MROH2B: variants seen among roughly 807,000 people sequenced by gnomAD.
MROH2B encodes maestro heat-like repeat-containing protein family member 2B.
Under a neutral mutation model 208.6 loss-of-function variants are expected in MROH2B, and 177 were observed. That is an observed-to-expected ratio of 0.85 (90% CI 0.75 to 0.96). MROH2B has a LOEUF of 0.96. Ranked by LOEUF, MROH2B falls within the 40% of genes least tolerant of loss-of-function variation. The pLI, the probability that MROH2B is intolerant of heterozygous loss-of-function variation, is 0.00. For missense variants in MROH2B, 2,002 were observed against 1,878.7 expected (o/e 1.07, Z -1.21); for synonymous variants, 728 against 659.0 (o/e 1.10, Z -1.60).
intron 21 of MROH2B, 30 bp from the exon 22 acceptor site, chr5:41,033,894 C>A (rs980828697): frequency 6.5e-7 from 1 of 1,548,782 alleles, no homozygotes. Flanking sequence ...AAATTAGATA[C>A]TCAATGAGTG....
intron 3 of MROH2B, among the ~76,000 whole-genome samples, chr5:41,066,682 C>T (rs752594627): frequency 2.0e-5 from 3 of 152,154 alleles, no homozygotes; most frequent in Non-Finnish European, 2.9e-5. Flanking sequence ...GAAATAACAT[C>T]ATCCTAGGAT....
chr5:41,035,811 A>AAAAAC (rs1471123308), intron 21 of MROH2B, among the ~76,000 whole-genome samples: 2 of 148,744 alleles, frequency 1.3e-5, no homozygotes, highest in African/African-American at 2.5e-5. Context: ...AAGAAAGCAA[A>AAAAAC]AAAACAAAAC....
At chr5:41,021,808 T>G (rs1033163354) in intron 24 of MROH2B, among the ~76,000 whole-genome samples, 1 of 151,640 alleles carries the variant, frequency 6.6e-6, no homozygotes, top group Non-Finnish European at 1.5e-5. Flanking sequence ...GCCCAGGAGG[T>G]CAAGGTGCAG....
chr5:41,016,345 C>T (rs1365673333), intron 28 of MROH2B, among the ~76,000 whole-genome samples: 4 of 151,864 alleles, frequency 2.6e-5, no homozygotes, highest in Admixed American at 6.6e-5. Context: ...AAAGTATGGG[C>T]GTTCTATTAA....
intron 24 of MROH2B, among the ~76,000 whole-genome samples, chr5:41,020,409 TTTG>T (rs1481448266): frequency 6.6e-6 from 1 of 152,168 alleles, no homozygotes; most frequent in Non-Finnish European, 1.5e-5. Context: ...CTCCCTCATT[TTTG>T]TTAACATGGC....
intron 29 of MROH2B, among the ~76,000 whole-genome samples, chr5:41,014,291 T>C (rs1253936403): frequency 2.6e-5 from 4 of 152,166 alleles, no homozygotes; most frequent in Non-Finnish European, 5.9e-5. Flanking sequence ...GTGGCCTGAC[T>C]CTTCTGAGAA....
At chr5:41,048,598 T>C (rs1232563016) in intron 15 of MROH2B, 133 bp from the exon 16 acceptor site, 2 of 1,007,658 alleles carry the variant, frequency 2.0e-6, no homozygotes, top group African/African-American at 3.3e-5. Flanking sequence ...CATCACAGTC[T>C]ATTCTTATTT....
At chr5:41,060,758 A>C (rs1743611806) in intron 6 of MROH2B, among the ~76,000 whole-genome samples, 1 of 152,146 alleles carries the variant, frequency 6.6e-6, no homozygotes, top group African/African-American at 2.4e-5. Flanking sequence ...GATGCATTGA[A>C]TTTGTTTTCC....
At chr5:41,032,913 G>T (rs1247293658) in intron 23 of MROH2B, 92 bp from the exon 24 acceptor site, 3 of 1,547,606 alleles carry the variant, frequency 1.9e-6, no homozygotes, top group Non-Finnish European at 2.6e-6. Flanking sequence ...TGGGTGCCCT[G>T]GGTCATAAAC....
intron 29 of MROH2B, among the ~76,000 whole-genome samples, chr5:41,012,953 T>A (rs1408584688): frequency 2.0e-5 from 3 of 152,218 alleles, no homozygotes; most frequent in Non-Finnish European, 2.9e-5. Context: ...TTTTTTATCA[T>A]TTCATATTTA....
intron 2 of MROH2B, among the ~76,000 whole-genome samples, chr5:41,067,860 T>C (rs748582674): frequency 6.6e-6 from 1 of 152,222 alleles, no homozygotes; most frequent in Non-Finnish European, 1.5e-5. Flanking sequence ...TGGAAATGCC[T>C]GTCAGCTTAA....
rs113332065 is a variant in MROH2B at position 41,009,005 on chromosome 5, A to G, written c.3421-212T>C. Among the ~76,000 whole-genome samples, 333 of 152,316 alleles carry G rather than the reference A, an allele frequency of 2.2e-3. 1 individual carries two copies. Among genetic ancestry groups the G allele is most frequent in the African/African-American group, 7.5e-3 (310 of 41,574 alleles). ...TCATGTAAAATAAAATGTTTTCAGC[A>G]TTGGGGTTTTTCAACAAAAAGGGTC... is the stretch of plus-strand genomic sequence containing the variant. On this transcript the variant is annotated intron_variant, in intron 32 of 41. Coordinates refer to ENST00000399564, the MANE Select transcript of MROH2B (RefSeq NM_173489.5).
intron 21 of MROH2B, 55 bp from the exon 22 acceptor site, chr5:41,033,919 A>G (rs930511126): frequency 1.3e-6 from 2 of 1,545,188 alleles, no homozygotes; most frequent in African/African-American, 2.8e-5. Context: ...TGAGAGATAT[A>G]CCCAACCCAA....
rs369782143 is a variant in MROH2B, at chr5:41,065,660, G to A, written c.202-170C>T. Among the ~76,000 whole-genome samples, 112 of 152,256 alleles carry A rather than the reference G, an allele frequency of 7.4e-4. 3 individuals are homozygous for A. The South Asian group carries it at 0.021, about 29-fold the overall frequency. ...ACATGGTTCAACTGTGTAATGGTGA[G>A]ATTTGGGCTTCTAGTGAACCCTCAC... On this transcript the variant is annotated intron_variant, in intron 3 of 41. Transcript: ENST00000399564.
intron 24 of MROH2B, among the ~76,000 whole-genome samples, chr5:41,024,772 C>T (rs537125049): frequency 2.4e-4 from 36 of 152,208 alleles, no homozygotes; most frequent in Non-Finnish European, 4.7e-4. Context: ...CAAAATTGAC[C>T]ACATAGCTGG....
At chr5:41,057,032 T>C in intron 9 of MROH2B, 77 bp downstream of exon 9, 1 of 1,391,198 alleles carries the variant, frequency 7.2e-7, no homozygotes, top group Admixed American at 1.8e-5. Flanking sequence ...AATGTGACAG[T>C]TTGCCCTCCT....
intron 9 of MROH2B, 103 bp downstream of exon 9, chr5:41,057,006 T>A: frequency 9.1e-7 from 1 of 1,103,916 alleles, no homozygotes; most frequent in Non-Finnish European, 1.4e-6. Context: ...TGTGTTTGTG[T>A]GTGTGAAAGT....
At chr5:41,057,563 C>CTTTTTTTTTTTTTTTTTTCTTTTTTTTTT in intron 7 of MROH2B, among the ~76,000 whole-genome samples, 1 of 73,252 alleles carries the variant, frequency 1.4e-5, no homozygotes, top group Non-Finnish European at 2.4e-5. Flanking sequence ...AATATCCCTC[C>CTTTTTTTTTTTTTTTTTTCTTTTTTTTTT]TTTTTTTTTT....
Position 41,012,479 on chromosome 5 carries a change from C to T in MROH2B, c.3135+104G>A, listed in dbSNP as rs952726489. 5.5e-6 allele frequency: 7 copies of T among 1,269,982 alleles called. No individual in the cohort carries two copies. The Admixed American group carries it at 1.3e-4, about 24-fold the overall frequency. The allele number at this position is 1,269,982 out of a possible 1,614,324, so 78.7% of individuals were successfully genotyped here. A position where few individuals can be genotyped will look rare whatever the true frequency, so the allele number is the denominator to read the frequency against. On this transcript the variant is annotated intron_variant, in intron 30 of 41. Transcript: ENST00000399564. ...ATGAGGCCTCTTGAGGTTGTGCAAG[C>T]CTTTGCATGCTGCCCATCAGTGGAC... is the stretch of plus-strand genomic sequence containing the variant.
Sources: gnomAD v4.1 joint callset for allele counts (sites outside exome capture counted in the v4.1 genomes callset) on GRCh38, gnomAD v4.1.1 for gene constraint, MANE v1.5 for transcripts, NCBI Gene and HGNC (gene_info 2026-07-23, HGNC 2026-07-21) for gene names.